Variants in WASHC2A observed in about 807,000 individuals in gnomAD.
The protein encoded by WASHC2A is WASH complex subunit FAM21A.
WASHC2A carries 82 observed loss-of-function variants against 140.3 expected under a neutral mutation model. That is an observed-to-expected ratio of 0.58 (90% CI 0.49 to 0.70). WASHC2A has a LOEUF of 0.70. WASHC2A is among the 30% of genes least tolerant of loss of function. The pLI, the probability that WASHC2A is intolerant of heterozygous loss-of-function variation, is 0.00. For missense variants in WASHC2A, 985 were observed against 1,521.8 expected, an observed-to-expected ratio of 0.65 and a Z score of 5.87; for synonymous variants, 340 against 560.8, an observed-to-expected ratio of 0.61 and a Z score of 5.56.
chr10:50,112,741 G>T (rs1487108233), intron 20 of WASHC2A, among the ~76,000 whole-genome samples: 1 of 151,708 alleles, frequency 6.6e-6, no homozygotes, highest in East Asian at 1.9e-4. Context: ...AAGTAGCGAT[G>T]CATCCTAGAA....
intron 11 of WASHC2A, among the ~76,000 whole-genome samples, chr10:50,092,449 A>C (rs1280347176): frequency 2.6e-5 from 4 of 152,014 alleles, no homozygotes; most frequent in African/African-American, 9.7e-5. Context: ...TGAGGTCAGG[A>C]GTTTAAGACC....
Position 50,104,106 on chromosome 10 carries a change from C to A in WASHC2A, c.1700C>A (p.Pro567His). ...GCGTCTCTGCTGCCTGGCAAGCTCC[C>A]CACGTTGGTTTCCCTGTTTGATGAT... is the stretch of plus-strand genomic sequence containing the variant. ...KGASLLPGKL[P>H]TLVSLFDDED... The change falls in exon 18 of 31, where the codon CCC becomes CAC. Residue 567 changes from proline (P) to histidine (H), a missense_variant. Physicochemically the swap from Pro to His is moderately conservative, Grantham distance 77. Transcript: ENST00000282633. 2 of 1,456,368 alleles carry A rather than the reference C, an allele frequency of 1.4e-6. 1 individual carries two copies. Among genetic ancestry groups the A allele is most frequent in the Non-Finnish European group, 1.9e-6 (2 of 1,053,928 alleles). 90.2% of individuals were successfully genotyped at this position (1,456,368 alleles called of 1,614,324 possible).
chr10:50,076,972 T>C (rs1327431587), intron 3 of WASHC2A, among the ~76,000 whole-genome samples: 14 of 149,646 alleles, frequency 9.4e-5, no homozygotes, highest in Non-Finnish European at 1.5e-4. Flanking sequence ...AAAAATTAGC[T>C]GGGCATGGGT....
At chr10:50,075,027 T>C (rs1254863493) in intron 3 of WASHC2A, among the ~76,000 whole-genome samples, 1 of 152,124 alleles carries the variant, frequency 6.6e-6, no homozygotes, top group Non-Finnish European at 1.5e-5. Flanking sequence ...TCTTGTTTTT[T>C]AACTTTAACC....
intron 22 of WASHC2A, 103 bp from the exon 23 acceptor site, chr10:50,119,484 A>G: frequency 3.6e-6 from 2 of 556,478 alleles, no homozygotes; most frequent in Non-Finnish European, 6.1e-6. Flanking sequence ...GAGTCATGCA[A>G]ATGTGGCAGT....
chr10:50,092,509 T>A (rs2132572814), intron 11 of WASHC2A, among the ~76,000 whole-genome samples: 1 of 151,794 alleles, frequency 6.6e-6, no homozygotes, highest in Admixed American at 6.6e-5. Flanking sequence ...TACAAAAAAT[T>A]AGCTTGGCAT....
chr10:50,129,171 G>T (rs1433484942), intron 28 of WASHC2A, among the ~76,000 whole-genome samples: 1 of 152,162 alleles, frequency 6.6e-6, no homozygotes, highest in East Asian at 1.9e-4. Flanking sequence ...AACTGAAACT[G>T]CCCTGAGAAG....
rs1839797363 is a variant in WASHC2A, at chr10:50,090,512, A to AT, written c.733-264_733-263insT. Reference sequence around the variant, plus strand: ...AGCTAGACTCCATCTCAAAAAAAAAAAAAATATATATATATATATTTATAT... The same window carrying AT: ...AGCTAGACTCCATCTCAAAAAAAAAATAAAATATATATATATATATTTATAT... On this transcript the variant is annotated intron_variant, in intron 8 of 30. Transcript: ENST00000282633. Among the ~76,000 whole-genome samples, 773 of 115,496 alleles carry AT rather than the reference A, an allele frequency of 6.7e-3. 11 individuals are homozygous for AT. Among genetic ancestry groups the AT allele is most frequent in the African/African-American group, 0.023 (665 of 29,060 alleles). 75.8% of individuals were successfully genotyped at this position (115,496 alleles called of 152,430 possible).
intron 20 of WASHC2A, among the ~76,000 whole-genome samples, chr10:50,111,701 C>T (rs1842301061): frequency 6.6e-6 from 1 of 152,182 alleles, no homozygotes; most frequent in Non-Finnish European, 1.5e-5. Context: ...GCCTGGCCAC[C>T]TTCTTTCAAA....
intron 17 of WASHC2A, among the ~76,000 whole-genome samples, chr10:50,103,543 G>A (rs1460830258): frequency 1.3e-5 from 2 of 151,774 alleles, no homozygotes; most frequent in African/African-American, 4.9e-5. Context: ...CTGGGCAACA[G>A]AGCGAGACTC....
chr10:50,090,119 A>G lies in WASHC2A; in HGVS notation c.733-657A>G, dbSNP rs1387518640. ...GAGCGAAACTCCTTCTCAAAAATAA[A>G]TAAATAAATAAAAATATTTCTCTAG... On this transcript the variant is annotated intron_variant, in intron 8 of 30. Coordinates refer to ENST00000282633, the MANE Select transcript of WASHC2A (RefSeq NM_001005751.3). Among the ~76,000 whole-genome samples, 3 of 151,962 alleles carry G rather than the reference A, an allele frequency of 2.0e-5. No individual in the cohort carries two copies. In the East Asian group the frequency reaches 5.8e-4, roughly 29 times the overall value.
At chr10:50,108,600 G>A (rs1394369273) in intron 19 of WASHC2A, among the ~76,000 whole-genome samples, 1 of 32,874 alleles carries the variant, frequency 3.0e-5, no homozygotes, top group African/African-American at 1.3e-4. Flanking sequence ...CTGACAGGCC[G>A]GGCACAGTGG....
rs1843324268 is a variant in WASHC2A, at chr10:50,125,115, C to T, written c.2481C>T (p.Gly827=). The T allele has an allele frequency of 1.9e-6, 3 of 1,611,754 alleles. No homozygotes were observed. Among genetic ancestry groups the T allele is most frequent in the African/African-American group, 2.7e-5 (2 of 74,768 alleles). Residue 827 remains glycine (G), a splice_region_variant and synonymous_variant, in exon 24 of 31, where the codon GGC becomes GGT. Coordinates refer to ENST00000282633, the MANE Select transcript of WASHC2A (RefSeq NM_001005751.3). ...ATGACCTTCCCTCCTGTTCCCAGGG[C>T]CGCGATCCTGATGCCCACCCCAAGA... The part of the protein sequence containing the change: ...IQAPQKEVGK[G]RDPDAHPKST...
Position 50,078,744 on chromosome 10 carries a change from G to A in WASHC2A, c.354+7G>A, listed in dbSNP as rs1358566717. On this transcript the variant is annotated splice_region_variant and intron_variant, in intron 4 of 30. Coordinates refer to ENST00000282633, the MANE Select transcript of WASHC2A (RefSeq NM_001005751.3). ...GGCAGAAAAAACAGAGCAGGTACTT[G>A]TATAAAATCACTCTTAGCTGAGTTT... 8.1e-6 allele frequency: 13 copies of A among 1,611,322 alleles called. No homozygotes were observed. The South Asian group carries it at 1.4e-4, about 18-fold the overall frequency.
chr10:50,123,448 TAAATA>T (rs1323756463), intron 23 of WASHC2A, among the ~76,000 whole-genome samples: 13 of 133,588 alleles, frequency 9.7e-5, no homozygotes, highest in South Asian at 2.5e-4. Context: ...GAAAACATTC[TAAATA>T]AAATAAGCCA....
At chr10:50,077,406 T>C (rs1234552361) in intron 3 of WASHC2A, among the ~76,000 whole-genome samples, 2 of 152,178 alleles carry the variant, frequency 1.3e-5, no homozygotes, top group African/African-American at 4.8e-5. Context: ...CAGGCTTAAA[T>C]TGGGTATTCC....
chr10:50,069,619 G>A lies in WASHC2A; in HGVS notation c.199G>A (p.Gly67Arg), dbSNP rs781836745. The A allele has an allele frequency of 1.7e-5, 28 of 1,613,772 alleles. No homozygotes were observed. The South Asian group carries it at 2.6e-4, about 15-fold the overall frequency. ...RTHEIKKQVDGLIRETKATDC... is the reference protein window; with the variant it reads ...RTHEIKKQVDRLIRETKATDC... Reference sequence around the variant, plus strand: ...CCATGAAATCAAGAAACAAGTGGACGGACTAATTCGGGAAACCAAAGCCAC... The same window carrying A: ...CCATGAAATCAAGAAACAAGTGGACAGACTAATTCGGGAAACCAAAGCCAC... The change falls in exon 3 of 31, where the codon GGA becomes AGA. Residue 67 changes from glycine (G) to arginine (R), a missense_variant. Transcript: ENST00000282633.
chr10:50,100,587 C>T (rs1302117346), intron 17 of WASHC2A, among the ~76,000 whole-genome samples: 2 of 152,062 alleles, frequency 1.3e-5, no homozygotes, highest in Non-Finnish European at 2.9e-5. Context: ...TTTACATTTC[C>T]TGGGATGAAA....
At chr10:50,123,076 A>G (rs1554893846) in intron 23 of WASHC2A, among the ~76,000 whole-genome samples, 1 of 127,960 alleles carries the variant, frequency 7.8e-6, no homozygotes, top group East Asian at 2.1e-4. Context: ...GGACCATAAT[A>G]AAAAAAAAAA....
Sources: gnomAD v4.1 joint callset for allele counts (sites outside exome capture counted in the v4.1 genomes callset) on GRCh38, gnomAD v4.1.1 for gene constraint, MANE v1.5 for transcripts, NCBI Gene and HGNC (gene_info 2026-07-23, HGNC 2026-07-21) for gene names.